Variants in KDM3B observed in about 807,000 individuals in gnomAD.
The protein encoded by KDM3B is lysine demethylase 3B.
A neutral mutation model predicts 170.0 loss-of-function variants in KDM3B; 10 were observed. The observed-to-expected ratio is 0.06, with a 90% CI of 0.04 to 0.10. The LOEUF (loss-of-function observed/expected upper bound fraction) is 0.10. Among genes scored for constraint, KDM3B ranks in the 10% least tolerant of loss-of-function variants. KDM3B has a pLI of 1.00. For missense variants in KDM3B, 1,394 were observed against 2,195.2 expected (o/e 0.64, Z 7.29); for synonymous variants, 831 against 834.8 (o/e 1.00, Z 0.08).
At chr5:138,378,062 G>A (rs1208368631) in intron 4 of KDM3B, among the ~76,000 whole-genome samples, 3 of 152,052 alleles carry the variant, frequency 2.0e-5, no homozygotes, top group Non-Finnish European at 2.9e-5. Context: ...TCACTCACTC[G>A]TCTTATGGAG....
intron 11 of KDM3B, among the ~76,000 whole-genome samples, chr5:138,401,573 T>C: frequency 6.6e-6 from 1 of 152,252 alleles, no homozygotes; most frequent in East Asian, 1.9e-4. Context: ...AGTGCTACTG[T>C]GAACATTTGT....
chr5:138,435,504 G>T, intron 23 of KDM3B, 116 bp from the exon 24 acceptor site: 1 of 727,626 alleles, frequency 1.4e-6, no homozygotes. Context: ...GATTGATACA[G>T]GAACGCACAG....
chr5:138,413,223 AAC>A (rs1198499634), intron 11 of KDM3B, among the ~76,000 whole-genome samples: 3 of 152,026 alleles, frequency 2.0e-5, no homozygotes, highest in Admixed American at 6.6e-5. Flanking sequence ...CTCTATGAAA[AAC>A]ACAAAAAATT....
chr5:138,372,646 C>T lies in KDM3B; in HGVS notation c.193-28C>T, dbSNP rs371045290. 7.5e-6 allele frequency: 12 copies of T among 1,596,950 alleles called. No individual in the cohort carries two copies. The African/African-American group carries it at 1.5e-4, about 20-fold the overall frequency. On this transcript the variant is annotated intron_variant, in intron 1 of 23. Transcript: ENST00000314358. ...TAGTGTGAGATTTTTCCAAGTGTGA[C>T]TTCCAAACTGCTTTTTATCTCTTGC...
At position 138,429,959 on chromosome 5, in the gene KDM3B, C is replaced by G. The variant is rs199823957; in HGVS notation, c.4887C>G (p.Leu1629=). 5.2e-5 allele frequency: 84 copies of G among 1,613,938 alleles called. No individual in the cohort carries two copies. The highest frequency in any genetic ancestry group is 6.9e-5 in the Non-Finnish European group (82 of 1,180,024). The change falls in exon 21 of 24, where the codon CTC becomes CTG. Residue 1629 remains leucine (L), a synonymous_variant. Transcript: ENST00000314358. ...AKDAEKIREL[L]RKVGEEQGQE... is the part of the protein sequence containing the mutation. ...ATGCAGAGAAGATCCGGGAGCTGCT[C>G]CGAAAGGTACGCCCCTGGGTGGGCT...
At chr5:138,401,270 C>CAA (rs555563348) in intron 11 of KDM3B, among the ~76,000 whole-genome samples, 2,342 of 132,294 alleles carry the variant, frequency 0.018, 63 homozygotes, top group African/African-American at 0.055. Context: ...GACTTCATCT[C>CAA]AAAAAAAAAA....
Position 138,386,598 on chromosome 5 carries a change from A to G in KDM3B, c.1357A>G (p.Ser453Gly), listed in dbSNP as rs1300244270. Residue 453 changes from serine to glycine, a missense_variant, in exon 7 of 24, where the codon AGC becomes GGC. This residue lies in a region of KDM3B where 205 missense variants were observed against 227.6 expected (regional missense o/e 0.90). Transcript: ENST00000314358. ...GACTGTGCCAGAAAAACAGAAAGGC[A>G]GCCGGTCGCAGGCCTCGGGAGAGGT... ...AGTVPEKQKGSRSQASGENSR... is the reference protein window; with the variant it reads ...AGTVPEKQKGGRSQASGENSR... 4 of 1,612,620 alleles carry G rather than the reference A, an allele frequency of 2.5e-6. No individual in the cohort carries two copies. Among genetic ancestry groups the G allele is most frequent in the Non-Finnish European group, 2.5e-6 (3 of 1,178,782 alleles).
Position 138,391,139 on chromosome 5 carries a change from T to C in KDM3B, c.1507T>C (p.Leu503=), listed in dbSNP as rs762297293. 1.2e-5 allele frequency: 20 copies of C among 1,614,064 alleles called. No homozygotes were observed. The highest frequency in any genetic ancestry group is 7.7e-5 in the South Asian group (7 of 91,090). The change falls in exon 8 of 24, where the codon TTG becomes CTG. Residue 503 remains leucine (L), a synonymous_variant. Coordinates refer to ENST00000314358, the MANE Select transcript of KDM3B (RefSeq NM_016604.4). This position sits in a 1 kb window ranked among gnomAD's most constrained non-coding sequence, Gnocchi z 5.0. ...NGVLATENKP[L]GFSFGCSSAQ... The stretch of plus-strand genomic sequence containing the variant: ...TGTTCTAGCCACAGAGAACAAACCT[T>C]TGGGCTTCTCTTTTGGCTGTAGCTC...
At chr5:138,394,539 C>T (rs1245527020) in intron 9 of KDM3B, among the ~76,000 whole-genome samples, 2 of 152,146 alleles carry the variant, frequency 1.3e-5, no homozygotes, top group East Asian at 1.9e-4. Context: ...AAAGAATACA[C>T]CACACTGTGA....
At chr5:138,381,433 GA>G in intron 5 of KDM3B, 82 bp from the exon 6 acceptor site, 1 of 874,866 alleles carries the variant, frequency 1.1e-6, no homozygotes, top group Non-Finnish European at 1.9e-6. Flanking sequence ...AATCAATAAA[GA>G]GATAATTACA....
chr5:138,374,537 C>T (rs1761949940), intron 2 of KDM3B, among the ~76,000 whole-genome samples: 1 of 152,162 alleles, frequency 6.6e-6, no homozygotes, highest in Non-Finnish European at 1.5e-5. Flanking sequence ...GGATTACAGG[C>T]GTAGCCACTG....
chr5:138,429,666 G>A (rs925353600), intron 20 of KDM3B, among the ~76,000 whole-genome samples, 160 bp from the exon 21 acceptor site: 2 of 152,208 alleles, frequency 1.3e-5, no homozygotes, highest in Non-Finnish European at 2.9e-5. Flanking sequence ...GTTGTTCTGT[G>A]TGTAGGGAGC....
At chr5:138,399,258 G>T (rs1340737225) in intron 10 of KDM3B, among the ~76,000 whole-genome samples, 1 of 151,712 alleles carries the variant, frequency 6.6e-6, no homozygotes, top group East Asian at 2.0e-4. Context: ...TTTCAATTCC[G>T]GCTGGGCACA....
At position 138,377,236 on chromosome 5, in the gene KDM3B, C is replaced by T. The variant is rs547043575; in HGVS notation, c.475-484C>T. On this transcript the variant is annotated intron_variant, in intron 3 of 23. Transcript: ENST00000314358. ...ATACTGAAATAAGCAAAAAGATTTG[C>T]GAGGAATACAATGTTTTATGGTCAG... Among the ~76,000 whole-genome samples the T allele has an allele frequency of 4.6e-5, 7 of 152,238 alleles. No homozygotes were observed. The East Asian group carries it at 1.2e-3, about 25-fold the overall frequency.
rs1270017070 is a variant in KDM3B, at chr5:138,425,640, G to A, written c.4411+58G>A. 12 of 1,350,288 alleles carry A rather than the reference G, an allele frequency of 8.9e-6. No homozygotes were observed. In the East Asian group the frequency reaches 9.3e-5, roughly 10 times the overall value. 83.6% of individuals were successfully genotyped at this position (1,350,288 alleles called of 1,614,324 possible). On this transcript the variant is annotated intron_variant, in intron 17 of 23. Transcript: ENST00000314358. ...CAGACTGGAAAATAAGCATCTATAC[G>A]CCCAGCTCTGCCCTTGAATAATAAA...
At chr5:138,431,071 C>T (rs1763519348) in intron 22 of KDM3B, among the ~76,000 whole-genome samples, 1 of 152,146 alleles carries the variant, frequency 6.6e-6, no homozygotes, top group South Asian at 2.1e-4. Flanking sequence ...ATTTTCTGTG[C>T]AAATACTGAT....
At chr5:138,377,349 CATA>C (rs1221268175) in intron 3 of KDM3B, among the ~76,000 whole-genome samples, 2 of 152,174 alleles carry the variant, frequency 1.3e-5, no homozygotes, top group Non-Finnish European at 2.9e-5. Context: ...TAGAAAGATA[CATA>C]ATATTTCCTA....
intron 11 of KDM3B, among the ~76,000 whole-genome samples, chr5:138,405,569 G>T (rs2126970002): frequency 6.8e-6 from 1 of 147,698 alleles, no homozygotes; most frequent in African/African-American, 2.5e-5. Flanking sequence ...AAAGCTGATA[G>T]AATGCACCAC....
chr5:138,397,196 G>A (rs1423132401), intron 9 of KDM3B, among the ~76,000 whole-genome samples: 5 of 152,094 alleles, frequency 3.3e-5, no homozygotes, highest in East Asian at 1.9e-4. Context: ...TCAGCTGGGC[G>A]TGGTGGCAGG....
Sources: allele counts gnomAD v4.1 joint callset (sites outside exome capture counted in the v4.1 genomes callset), GRCh38; gene constraint gnomAD v4.1.1; regional missense constraint gnomAD v4.1.1; non-coding constraint Gnocchi (gnomAD v3.1); transcripts MANE v1.5; gene names NCBI Gene and HGNC (gene_info 2026-07-23, HGNC 2026-07-21).